PXDNL: variants seen among roughly 807,000 people sequenced by gnomAD.
PXDNL encodes probable oxidoreductase PXDNL.
Under a neutral mutation model 150.8 loss-of-function variants are expected in PXDNL, and 145 were observed. That is an observed-to-expected ratio of 0.96 (90% CI 0.84 to 1.10). The LOEUF is 1.10. PXDNL is among the 50% of genes least tolerant of loss of function. The pLI is 0.00. For missense variants in PXDNL, 2,087 were observed against 1,873.9 expected, an observed-to-expected ratio of 1.11 and a Z score of -2.10; for synonymous variants, 757 against 725.7, an observed-to-expected ratio of 1.04 and a Z score of -0.69.
At chr8:51,489,294 T>C (rs1264768020) in intron 5 of PXDNL, among the ~76,000 whole-genome samples, 1 of 152,170 alleles carries the variant, frequency 6.6e-6, no homozygotes, top group African/African-American at 2.4e-5. Flanking sequence ...TTGATGTAAA[T>C]TTATAAGATC....
intron 4 of PXDNL, among the ~76,000 whole-genome samples, chr8:51,532,175 T>C (rs999077363): frequency 1.3e-5 from 2 of 152,198 alleles, no homozygotes; most frequent in African/African-American, 4.8e-5. Flanking sequence ...GCACTGACAC[T>C]AGAAACAACT....
chr8:51,385,807 T>C (rs1807691314), intron 17 of PXDNL, among the ~76,000 whole-genome samples: 1 of 152,176 alleles, frequency 6.6e-6, no homozygotes, highest in Non-Finnish European at 1.5e-5. Flanking sequence ...CTAATGGTTT[T>C]ATAAGGGGTT....
chr8:51,374,869 C>A, intron 17 of PXDNL, 138 bp from the exon 18 acceptor site: 1 of 1,073,956 alleles, frequency 9.3e-7, no homozygotes. Flanking sequence ...ATTCTCATTT[C>A]ATGGGGGAAA....
At chr8:51,641,552 A>C (rs1238736866) in intron 2 of PXDNL, among the ~76,000 whole-genome samples, 20 of 152,154 alleles carry the variant, frequency 1.3e-4, no homozygotes, top group Non-Finnish European at 2.4e-4. Flanking sequence ...GAAGGACATG[A>C]ACAGACACTT....
chr8:51,363,019 C>G (rs927848147), intron 19 of PXDNL, among the ~76,000 whole-genome samples: 1 of 152,114 alleles, frequency 6.6e-6, no homozygotes, highest in African/African-American at 2.4e-5. Context: ...CATAGTGAGG[C>G]CTGGGGCAAA....
chr8:51,586,634 A>C (rs1014589337), intron 3 of PXDNL, among the ~76,000 whole-genome samples: 2 of 152,234 alleles, frequency 1.3e-5, no homozygotes, highest in Non-Finnish European at 2.9e-5. Flanking sequence ...TATTTCAAAA[A>C]AAATCTTTTT....
chr8:51,382,652 T>C (rs1208756944), intron 17 of PXDNL, among the ~76,000 whole-genome samples: 1 of 152,036 alleles, frequency 6.6e-6, no homozygotes, highest in Non-Finnish European at 1.5e-5. Context: ...GAGTGAAAGG[T>C]ACAGAGACTT....
At chr8:51,639,152 A>G (rs1814679863) in intron 2 of PXDNL, among the ~76,000 whole-genome samples, 1 of 152,188 alleles carries the variant, frequency 6.6e-6, no homozygotes, top group African/African-American at 2.4e-5. Flanking sequence ...TTTGAAACCA[A>G]GGAGAACAAA....
At chr8:51,739,645 C>A (rs910229874) in intron 1 of PXDNL, among the ~76,000 whole-genome samples, 2 of 151,974 alleles carry the variant, frequency 1.3e-5, no homozygotes, top group Non-Finnish European at 2.9e-5. Flanking sequence ...GAGGCCGAGG[C>A]GGGTGGATCA....
intron 4 of PXDNL, among the ~76,000 whole-genome samples, chr8:51,552,464 T>C: frequency 6.6e-6 from 1 of 151,922 alleles, no homozygotes; most frequent in East Asian, 1.9e-4. Context: ...AAAACGAAAA[T>C]GTGGTATATA....
intron 5 of PXDNL, among the ~76,000 whole-genome samples, chr8:51,492,581 C>A (rs1028195037): frequency 1.3e-5 from 2 of 152,180 alleles, no homozygotes; most frequent in African/African-American, 2.4e-5. Flanking sequence ...GCCACTCCCA[C>A]CCTAATACTA....
intron 10 of PXDNL, among the ~76,000 whole-genome samples, chr8:51,450,667 A>C (rs765204735): frequency 1.3e-5 from 2 of 152,236 alleles, no homozygotes; most frequent in Non-Finnish European, 2.9e-5. Context: ...TATGGTATAA[A>C]ATAAATTTCC....
At chr8:51,534,358 G>T (rs1177584327) in intron 4 of PXDNL, among the ~76,000 whole-genome samples, 1 of 147,718 alleles carries the variant, frequency 6.8e-6, no homozygotes, top group Non-Finnish European at 1.5e-5. Context: ...GAGGTGGGGG[G>T]GGGTCAGCCC....
chr8:51,801,325 TTAAGA>T (rs769784695), intron 1 of PXDNL, among the ~76,000 whole-genome samples: 5 of 152,288 alleles, frequency 3.3e-5, no homozygotes, highest in South Asian at 2.1e-4. Flanking sequence ...CTGTTTTCTG[TTAAGA>T]TGTTTATCAA....
At chr8:51,393,404 T>C (rs777540744) in intron 17 of PXDNL, among the ~76,000 whole-genome samples, 1 of 152,172 alleles carries the variant, frequency 6.6e-6, no homozygotes, top group Non-Finnish European at 1.5e-5. Flanking sequence ...GGCTCCACAG[T>C]GAGAAGGAAA....
At chr8:51,356,841 C>T (rs981543332) in intron 19 of PXDNL, among the ~76,000 whole-genome samples, 4 of 152,170 alleles carry the variant, frequency 2.6e-5, no homozygotes, top group Non-Finnish European at 5.9e-5. Flanking sequence ...ACGCCTCTGT[C>T]GGAGCTCTCT....
chr8:51,637,862 T>C (rs1814641133), intron 2 of PXDNL, among the ~76,000 whole-genome samples: 2 of 152,116 alleles, frequency 1.3e-5, no homozygotes, highest in African/African-American at 4.8e-5. Context: ...GCCACAAAGA[T>C]ACTCCTCAAG....
chr8:51,588,682 G>T (rs1813378377), intron 3 of PXDNL, among the ~76,000 whole-genome samples: 1 of 152,146 alleles, frequency 6.6e-6, no homozygotes, highest in Non-Finnish European at 1.5e-5. Context: ...TATTTGAAAA[G>T]CCATAAAGGT....
At chr8:51,750,206 A>G (rs1490972121) in intron 1 of PXDNL, among the ~76,000 whole-genome samples, 2 of 151,990 alleles carry the variant, frequency 1.3e-5, no homozygotes, top group Non-Finnish European at 2.9e-5. Flanking sequence ...TTCTTTTTAA[A>G]CTTTTTTGTT....
Sources: allele counts gnomAD v4.1 joint callset (sites outside exome capture counted in the v4.1 genomes callset), GRCh38; gene constraint gnomAD v4.1.1; transcripts MANE v1.5; gene names NCBI Gene and HGNC (gene_info 2026-07-23, HGNC 2026-07-21).